Variants in NRAP observed in about 807,000 individuals in gnomAD.
NRAP encodes the protein nebulin related anchoring protein, also known as nebulin-related-anchoring protein.
In NRAP, 189 loss-of-function variants were observed where a neutral mutation model predicts 225.9. The observed-to-expected ratio is 0.84, with a 90% CI of 0.74 to 0.94. NRAP has a LOEUF of 0.94. Ranked by LOEUF, NRAP falls within the 40% of genes least tolerant of loss-of-function variation. The pLI is 0.00. For synonymous variants in NRAP, 769 were observed against 790.7 expected (o/e 0.97, Z 0.46); for missense variants, 2,176 against 2,168.7 (o/e 1.00, Z -0.07).
chr10:113,603,785 G>C lies in NRAP; in HGVS notation c.4227+824C>G, dbSNP rs150172513. Among the ~76,000 whole-genome samples, 16 of 152,246 alleles carry C rather than the reference G, an allele frequency of 1.1e-4. No homozygotes were observed. The East Asian group carries it at 2.7e-3, about 26-fold the overall frequency. On this transcript the variant is annotated intron_variant, in intron 35 of 41. Coordinates refer to ENST00000359988, the MANE Select transcript of NRAP (RefSeq NM_198060.4). ...GAACTTGCTATTCAGTTTGCCTGGAGTTCCCTATCCCCTTCTGTCTTTTCC... is the reference window on the plus strand; with the variant it reads ...GAACTTGCTATTCAGTTTGCCTGGACTTCCCTATCCCCTTCTGTCTTTTCC...
At chr10:113,610,733 T>C (rs1847276772) in intron 30 of NRAP, among the ~76,000 whole-genome samples, 170 bp from the exon 31 acceptor site, 1 of 152,160 alleles carries the variant, frequency 6.6e-6, no homozygotes, top group African/African-American at 2.4e-5. Flanking sequence ...CAAACACTTC[T>C]TGGTAAATGC....
At chr10:113,638,475 A>G (rs1849007576) in intron 14 of NRAP, among the ~76,000 whole-genome samples, 2 of 152,242 alleles carry the variant, frequency 1.3e-5, no homozygotes, top group Admixed American at 1.3e-4. Flanking sequence ...TAAGATTACC[A>G]GACAGAGAGA....
intron 14 of NRAP, among the ~76,000 whole-genome samples, chr10:113,635,818 T>A (rs1464857733): frequency 6.6e-6 from 1 of 152,210 alleles, no homozygotes; most frequent in African/African-American, 2.4e-5. Context: ...TCCCTTATGC[T>A]CACCTGGTTC....
At chr10:113,631,641 TGAGA>T (rs764363541) in intron 17 of NRAP, 31 bp from the exon 18 acceptor site, 4 of 1,443,396 alleles carry the variant, frequency 2.8e-6, no homozygotes. Flanking sequence ...CTACTGTGAG[TGAGA>T]GAGAAACTTT....
At position 113,624,820 on chromosome 10, in the gene NRAP, CTG is replaced by C; in HGVS notation, c.2349+4_2349+5del. 1 of 1,609,616 alleles carries C rather than the reference CTG, an allele frequency of 6.2e-7. No individual in the cohort carries two copies. Among genetic ancestry groups the C allele is most frequent in the Non-Finnish European group, 8.5e-7 (1 of 1,175,976 alleles). On this transcript the variant is annotated splice_donor_5th_base_variant and intron_variant, in intron 22 of 41. Coordinates refer to ENST00000359988, the MANE Select transcript of NRAP (RefSeq NM_198060.4). ...AGTTCTTGCTGCCCACTCATTCTCT[CTG>C]TACCTCGCTGAGATTTGCAGCATTG...
intron 9 of NRAP, among the ~76,000 whole-genome samples, chr10:113,649,073 T>C (rs1220387064): frequency 1.3e-5 from 2 of 152,224 alleles, no homozygotes; most frequent in Non-Finnish European, 2.9e-5. Flanking sequence ...TTTAAAGCAC[T>C]AAAAGACCAC....
At chr10:113,658,668 G>A (rs868816947) in intron 3 of NRAP, among the ~76,000 whole-genome samples, 1 of 152,008 alleles carries the variant, frequency 6.6e-6, no homozygotes. Context: ...ATCACTTGAG[G>A]TCAGGAGTTT....
intron 36 of NRAP, 98 bp downstream of exon 36, chr10:113,597,871 G>A: frequency 1.2e-6 from 1 of 867,306 alleles, no homozygotes; most frequent in South Asian, 1.3e-5. Flanking sequence ...CAGTGGCCAT[G>A]AGGTCCTTTG....
intron 26 of NRAP, 33 bp downstream of exon 26, chr10:113,617,422 T>C (rs764578303): frequency 7.9e-7 from 1 of 1,260,276 alleles, no homozygotes; most frequent in Non-Finnish European, 1.2e-6. Context: ...GAGCCCACTC[T>C]TAGAGTCATA....
At chr10:113,632,302 G>A (rs1278225002) in intron 16 of NRAP, among the ~76,000 whole-genome samples, 1 of 152,224 alleles carries the variant, frequency 6.6e-6, no homozygotes, top group Non-Finnish European at 1.5e-5. Context: ...GGATTGCTGT[G>A]AGAATAAATT....
At chr10:113,621,764 C>T (rs1848001763) in intron 24 of NRAP, 105 bp downstream of exon 24, 1 of 1,042,616 alleles carries the variant, frequency 9.6e-7, no homozygotes, top group East Asian at 2.5e-5. Context: ...AACAGGTGTC[C>T]CATAGCATAA....
chr10:113,621,577 AT>A (rs1847988158), intron 24 of NRAP, among the ~76,000 whole-genome samples: 1 of 152,142 alleles, frequency 6.6e-6, no homozygotes, highest in Non-Finnish European at 1.5e-5. Flanking sequence ...TGACACAAAG[AT>A]ACCTCCCCCC....
Position 113,610,481 on chromosome 10 carries a change from T to G in NRAP, c.3581A>C (p.Lys1194Thr). The G allele has an allele frequency of 6.3e-7, 1 of 1,587,106 alleles. No individual in the cohort carries two copies. The highest frequency in any genetic ancestry group is 8.7e-7 in the Non-Finnish European group (1 of 1,155,028). The change falls in exon 31 of 42, where the codon AAA (lysine) becomes ACA (threonine). Residue 1194 changes from lysine to threonine, a missense_variant. Lys to Thr is a moderately conservative substitution (Grantham distance 78). Coordinates refer to ENST00000359988, the MANE Select transcript of NRAP (RefSeq NM_198060.4). ...PGTLEIEGRK[K>T]ASELISESKY... ...TACCTCACTGATGAGTTCCGATGCTTTCTTCCTCCCTTCAATCTCTAACGT... is the reference window on the plus strand; with the variant it reads ...TACCTCACTGATGAGTTCCGATGCTGTCTTCCTCCCTTCAATCTCTAACGT...
At chr10:113,657,634 A>G in intron 3 of NRAP, 60 bp from the exon 4 acceptor site, 1 of 999,686 alleles carries the variant, frequency 1.0e-6, no homozygotes, top group East Asian at 2.4e-5. Context: ...AAACATAGAC[A>G]AACAATTCCT....
intron 26 of NRAP, 124 bp downstream of exon 26, chr10:113,617,331 G>C: frequency 1.5e-6 from 1 of 659,270 alleles, no homozygotes; most frequent in East Asian, 2.6e-5. Context: ...CTCTGCAAAG[G>C]ACAGGGAGCG....
At chr10:113,594,292 C>T (rs1430216330) in intron 38 of NRAP, among the ~76,000 whole-genome samples, 2 of 152,202 alleles carry the variant, frequency 1.3e-5, no homozygotes, top group African/African-American at 2.4e-5. Flanking sequence ...TACACGCCCC[C>T]GAAGAAGTGC....
In NRAP at chr10:113,610,522, T is replaced by A. The variant is rs1459328462; in HGVS notation, c.3540A>T (p.Ala1180=). Residue 1180 remains alanine, a synonymous_variant, in exon 31 of 42, where the codon GCA becomes GCT. Transcript: ENST00000359988. ...RSDLNFMRGV[A]CVIPGTLEIE... ...TCTCTAACGTGCCTGGAATGACACATGCAACACCTCGCATAAAGTTCAGGT... is the reference window on the plus strand; with the variant it reads ...TCTCTAACGTGCCTGGAATGACACAAGCAACACCTCGCATAAAGTTCAGGT... 5 of 1,604,262 alleles carry A rather than the reference T, an allele frequency of 3.1e-6. No homozygotes were observed. The highest frequency in any genetic ancestry group is 3.4e-6 in the Non-Finnish European group (4 of 1,171,088).
In NRAP at chr10:113,608,611, G is replaced by C. The variant is rs192552543; in HGVS notation, c.3604-99C>G. On this transcript the variant is annotated intron_variant, in intron 31 of 41. Coordinates refer to ENST00000359988, the MANE Select transcript of NRAP (RefSeq NM_198060.4). Reference sequence around the variant, plus strand: ...AGTATTAGCCATAAAGCCTCGTTTTGCAAAGGCTGCAAGTCTATCACTCCA... The same window carrying C: ...AGTATTAGCCATAAAGCCTCGTTTTCCAAAGGCTGCAAGTCTATCACTCCA... 4.4e-4 allele frequency: 332 copies of C among 748,042 alleles called. No individual in the cohort carries two copies. In the African/African-American group the frequency reaches 5.2e-3, roughly 12 times the overall value. The allele number at this position is 748,042 out of a possible 1,614,324, so 46.3% of individuals were successfully genotyped here.
At chr10:113,609,381 C>T (rs1352378102) in intron 31 of NRAP, among the ~76,000 whole-genome samples, 1 of 152,072 alleles carries the variant, frequency 6.6e-6, no homozygotes, top group Non-Finnish European at 1.5e-5. Flanking sequence ...CTAAACTCCC[C>T]TAGCAGGCAA....
Sources: gnomAD v4.1 joint callset for allele counts (sites outside exome capture counted in the v4.1 genomes callset) on GRCh38, gnomAD v4.1.1 for gene constraint, MANE v1.5 for transcripts, NCBI Gene and HGNC (gene_info 2026-07-23, HGNC 2026-07-21) for gene names.